HJURP: variants seen among roughly 807,000 people sequenced by gnomAD.
HJURP encodes the protein Holliday junction recognition protein, also known as 14-3-3-associated AKT substrate.
Under a neutral mutation model 72.0 loss-of-function variants are expected in HJURP, and 49 were observed. The ratio of observed to expected loss-of-function variants is 0.68; its 90% confidence interval spans 0.54 to 0.86. The LOEUF (loss-of-function observed/expected upper bound fraction) is 0.86. Among genes scored for constraint, HJURP ranks in the 40% least tolerant of loss-of-function variants. The pLI is 0.00. For synonymous variants in HJURP, 357 were observed against 347.1 expected, an observed-to-expected ratio of 1.03 and a Z score of -0.32; for missense variants, 908 against 936.3, an observed-to-expected ratio of 0.97 and a Z score of 0.39.
In HJURP at chr2:233,847,419, T is replaced by A; in HGVS notation, c.380A>T (p.Glu127Val). The A allele has an allele frequency of 6.2e-7, 1 of 1,614,130 alleles. No homozygotes were observed. Among genetic ancestry groups the A allele is most frequent in the Non-Finnish European group, 8.5e-7 (1 of 1,179,934 alleles). ...TACTGCTAAGGCCCAAGCAACTGAC[T>A]CTTCCTGGTCTGACGTGGCATCGAC... ...GEVDATSDQEESVAWALAPAV... is the reference protein window; with the variant it reads ...GEVDATSDQEVSVAWALAPAV... The change falls in exon 5 of 9, where the codon GAG becomes GTG. Residue 127 changes from glutamate to valine, a missense_variant. Glu to Val is a moderately radical substitution (Grantham distance 121). Transcript: ENST00000411486.
At chr2:233,852,252 T>G (rs1275839513) in intron 3 of HJURP, among the ~76,000 whole-genome samples, 1 of 152,198 alleles carries the variant, frequency 6.6e-6, no homozygotes, top group East Asian at 1.9e-4. Flanking sequence ...CTCGCTGGGC[T>G]GGCACGTGAC....
chr2:233,845,657 TAAC>T (rs751270004), intron 6 of HJURP, 68 bp downstream of exon 6: 40 of 973,884 alleles, frequency 4.1e-5, no homozygotes, highest in Non-Finnish European at 5.9e-5. Context: ...AAAAGCATAA[TAAC>T]ACTGTACCTC....
rs745562841 is a variant in HJURP, at chr2:233,841,305, G to T, written c.1475C>A (p.Ala492Glu). The T allele has an allele frequency of 3.7e-6, 6 of 1,614,100 alleles. No individual in the cohort carries two copies. Among genetic ancestry groups the T allele is most frequent in the Middle Eastern group, 1.6e-4 (1 of 6,062 alleles). The change falls in exon 8 of 9, where the codon GCA becomes GAA. Residue 492 changes from alanine (A) to glutamate (E), a missense_variant. By Grantham distance (107) the Ala-to-Glu change is moderately radical. Transcript: ENST00000411486. ...AGCCTCACTTAAACTTTTTGCTTTT[G>T]CTTTGCTGGAAGGTAAACTCAGCCT... The part of the protein sequence containing the change: ...TRRLSLPSSK[A>E]KAKSLSEAFE...
Position 233,842,121 on chromosome 2 carries a change from G to A in HJURP, c.659C>T (p.Pro220Leu), listed in dbSNP as rs773102986. 1.9e-5 allele frequency: 30 copies of A among 1,613,988 alleles called. No individual in the cohort carries two copies. The highest frequency in any genetic ancestry group is 2.5e-5 in the Non-Finnish European group (30 of 1,179,966). The change falls in exon 8 of 9, where the codon CCT becomes CTT. Residue 220 changes from proline (P) to leucine (L), a missense_variant. This residue lies in a region of HJURP where 299 missense variants were observed against 286.7 expected (regional missense o/e 1.04). Transcript: ENST00000411486. Reference sequence around the variant, plus strand: ...TACTAAGGCCATGTCTGTGGAGGAAGGATGCAAAGGATCCCATTCTCTGGG... The same window carrying A: ...TACTAAGGCCATGTCTGTGGAGGAAAGATGCAAAGGATCCCATTCTCTGGG... ...SSPREWDPLH[P>L]SSTDMALVPR...
rs552307584 is a variant in HJURP, at chr2:233,838,365, G to A, written c.2172-713C>T. On this transcript the variant is annotated intron_variant, in intron 8 of 8. Transcript: ENST00000411486. ...ACCTCACACCATTCTCTACAAGGCCGAGGTCCCTCCTGTGTGGCTGGGCCA... is the reference window on the plus strand; with the variant it reads ...ACCTCACACCATTCTCTACAAGGCCAAGGTCCCTCCTGTGTGGCTGGGCCA... Among the ~76,000 whole-genome samples, 9 of 152,242 alleles carry A rather than the reference G, an allele frequency of 5.9e-5. No individual in the cohort carries two copies. In the East Asian group the frequency reaches 1.4e-3, roughly 23 times the overall value.
rs1253971865 is a variant in HJURP, at chr2:233,846,334, C to G, written c.403-514G>C. Among the ~76,000 whole-genome samples the G allele has an allele frequency of 6.6e-6, 1 of 152,122 alleles. No homozygotes were observed. The highest frequency in any genetic ancestry group is 1.9e-4 in the East Asian group (1 of 5,182). ...GGGCATGGTGGTGGGCGCCTGTAGTCCCAGCTACTTGGGAGGCTGAGGCAG... is the reference window on the plus strand; with the variant it reads ...GGGCATGGTGGTGGGCGCCTGTAGTGCCAGCTACTTGGGAGGCTGAGGCAG... On this transcript the variant is annotated intron_variant, in intron 5 of 8. Transcript: ENST00000411486. This position sits in a 1 kb window ranked among gnomAD's most constrained non-coding sequence, Gnocchi z 4.3.
Position 233,854,364 on chromosome 2 carries a change from C to T in HJURP, c.117+20G>A. The T allele has an allele frequency of 6.4e-7, 1 of 1,571,378 alleles. No homozygotes were observed. Among genetic ancestry groups the T allele is most frequent in the Non-Finnish European group, 8.7e-7 (1 of 1,149,844 alleles). On this transcript the variant is annotated intron_variant, in intron 1 of 8. Transcript: ENST00000411486. ...CCGACACGCAGGCCTCCCCTCCCGG[C>T]GGACCGGCGGGGGCCGCACCTTCTC...
chr2:233,850,179 A>G (rs1246270287), intron 3 of HJURP, among the ~76,000 whole-genome samples: 2 of 152,266 alleles, frequency 1.3e-5, no homozygotes, highest in African/African-American at 4.8e-5. Flanking sequence ...ACTGGGGCAA[A>G]CAAAAAGCCA....
At chr2:233,844,327 T>C in intron 6 of HJURP, 44 bp from the exon 7 acceptor site, 3 of 1,475,374 alleles carry the variant, frequency 2.0e-6, no homozygotes, top group South Asian at 2.3e-5. Flanking sequence ...TTGCCAGGTG[T>C]CAACTGGGTG....
rs182033337 is a variant in HJURP, at chr2:233,840,848, C to A, written c.1932G>T (p.Leu644=). The A allele has an allele frequency of 4.5e-5, 73 of 1,614,114 alleles. 1 individual carries two copies. The Admixed American group carries it at 1.2e-3, about 27-fold the overall frequency. Residue 644 remains leucine (L), a synonymous_variant, in exon 8 of 9, where the codon CTG becomes CTT. Coordinates refer to ENST00000411486, the MANE Select transcript of HJURP (RefSeq NM_018410.5). ...QGFQKLPSSP[L]GCRKSLLGST... is the part of the protein sequence containing the mutation. ...AGCCCAGTAGACTTTTTCTGCACCC[C>A]AGGGGTGATGATGGCAACTTCTGGA...
rs761421406 is a variant in HJURP at position 233,840,919 on chromosome 2, C to T, written c.1861G>A (p.Glu621Lys). The change falls in exon 8 of 9, where the codon GAA becomes AAA. Residue 621 changes from glutamate to lysine, a missense_variant. Physicochemically the swap from Glu to Lys is moderately conservative, Grantham distance 56. Transcript: ENST00000411486. ...KASMEVRYQT[E>K]GFLGKLNPDP... ...GGATTTAATTTTCCTAAGAAGCCTT[C>T]TGTTTGATATCGAACTTCCATACTT... 1.9e-6 allele frequency: 3 copies of T among 1,614,146 alleles called. No individual in the cohort carries two copies. In the South Asian group the frequency reaches 3.3e-5, roughly 18 times the overall value.
chr2:233,848,924 T>C lies in HJURP; in HGVS notation c.337+839A>G, dbSNP rs1395733693. 2.0e-5 allele frequency among the ~76,000 whole-genome samples: 3 copies of C among 152,040 alleles called. No homozygotes were observed. The East Asian group carries it at 5.8e-4, about 30-fold the overall frequency. On this transcript the variant is annotated intron_variant, in intron 4 of 8. Transcript: ENST00000411486. ...CAGAAGGAGGAAAACTGGAGGAGCA[T>C]GGGGCCGAGGAGCAGGGGGCCACAG... is the stretch of plus-strand genomic sequence containing the variant.
intron 6 of HJURP, 48 bp from the exon 7 acceptor site, chr2:233,844,331 C>T (rs1705304371): frequency 9.5e-6 from 14 of 1,470,194 alleles, no homozygotes; most frequent in Admixed American, 1.7e-5. Context: ...CAGGTGTCAA[C>T]TGGGTGCAAG....
chr2:233,838,859 G>A (rs914145391), intron 8 of HJURP, among the ~76,000 whole-genome samples: 5 of 152,202 alleles, frequency 3.3e-5, no homozygotes, highest in East Asian at 1.9e-4. Context: ...AAAGTCACCC[G>A]GCTGGTGGTT....
chr2:233,854,455 C>T lies in HJURP; in HGVS notation c.46G>A (p.Asp16Asn). The change falls in exon 1 of 9, where the codon GAC becomes AAC. Residue 16 changes from aspartate (D) to asparagine (N), a missense_variant. Transcript: ENST00000411486. ...GCCCTGAGCTTCTGCAGCAGCTGGT[C>T]GTCTTCCACGTCCTCGCCCTCCATG... ...RAMEGEDVED[D>N]QLLQKLRASR... The T allele has an allele frequency of 6.2e-7, 1 of 1,612,640 alleles. No homozygotes were observed. Among genetic ancestry groups the T allele is most frequent in the Non-Finnish European group, 8.5e-7 (1 of 1,179,510 alleles).
intron 8 of HJURP, among the ~76,000 whole-genome samples, chr2:233,838,116 T>A (rs540237891): frequency 7.9e-5 from 12 of 152,354 alleles, no homozygotes; most frequent in African/African-American, 2.4e-4. Flanking sequence ...AAACTCCATA[T>A]GTAGTTGCAG....
chr2:233,843,496 C>G (rs909477996), intron 7 of HJURP, among the ~76,000 whole-genome samples: 1 of 152,128 alleles, frequency 6.6e-6, no homozygotes, highest in Non-Finnish European at 1.5e-5. Context: ...TAACGTGAAC[C>G]TAACCACGAG....
intron 3 of HJURP, among the ~76,000 whole-genome samples, chr2:233,851,151 T>A: frequency 6.6e-6 from 1 of 152,238 alleles, no homozygotes; most frequent in East Asian, 1.9e-4. Context: ...GAAAACTTTT[T>A]GCTACCAGGA....
intron 2 of HJURP, 138 bp from the exon 3 acceptor site, chr2:233,852,758 G>C (rs1294675909): frequency 3.3e-6 from 2 of 613,730 alleles, no homozygotes; most frequent in African/African-American, 1.8e-5. Context: ...CTGATACCCT[G>C]CGATTGTTCC....
Sources: gnomAD v4.1 joint callset for allele counts (sites outside exome capture counted in the v4.1 genomes callset) on GRCh38, gnomAD v4.1.1 for gene constraint, gnomAD v4.1.1 regional missense constraint, Gnocchi (gnomAD v3.1) non-coding constraint, MANE v1.5 for transcripts, NCBI Gene and HGNC (gene_info 2026-07-23, HGNC 2026-07-21) for gene names.